CBR4: variants seen among roughly 807,000 people sequenced by gnomAD.
CBR4 encodes 3-oxoacyl-[acyl-carrier-protein] reductase.
Under a neutral mutation model 21.0 loss-of-function variants are expected in CBR4, and 22 were observed. The observed-to-expected ratio is 1.05, with a 90% CI of 0.75 to 1.50. The LOEUF is 1.50. CBR4 is among the 40% of genes most tolerant of loss of function. The pLI is 0.00. For synonymous variants in CBR4, 100 were observed against 104.4 expected, an observed-to-expected ratio of 0.96 and a Z score of 0.26; for missense variants, 302 against 286.3, an observed-to-expected ratio of 1.05 and a Z score of -0.40.
At chr4:168,942,465 AT>A (rs571185873) in intron 2 of CBR4, among the ~76,000 whole-genome samples, 147 of 152,196 alleles carry the variant, frequency 9.7e-4, no homozygotes, top group African/African-American at 3.3e-3. Context: ...TCAAATCCTA[AT>A]TGAAAAAGAA....
downstream of CBR4, among the ~76,000 whole-genome samples, chr4:168,987,043 T>G (rs4692556): frequency 0.75 from 114,549 of 152,108 alleles, 43,440 homozygotes; most frequent in East Asian, 0.96. Context: ...AGGGAGGGGG[T>G]CTCCTGATGT....
chr4:168,989,391 G>A lies in CBR4; in HGVS notation c.*759C>T. The A allele has an allele frequency of 4.1e-6, 4 of 985,358 alleles. No individual in the cohort carries two copies. Among genetic ancestry groups the A allele is most frequent in the Non-Finnish European group, 4.8e-6 (4 of 829,884 alleles). The allele number at this position is 985,358 out of a possible 1,614,324, so 61.0% of individuals were successfully genotyped here. A position where few individuals can be genotyped will look rare whatever the true frequency, so the allele number is the denominator to read the frequency against. On this transcript the variant is annotated 3_prime_UTR_variant, in exon 5 of 5. Coordinates refer to ENST00000306193, the MANE Select transcript of CBR4 (RefSeq NM_032783.5). ...AGAATTTCTCAAGAATGAGTCAAAT[G>A]CGCCACATTTAAATTTGCAGATTAT...
chr4:168,941,007 T>C (rs570793495), intron 2 of CBR4, among the ~76,000 whole-genome samples: 102 of 152,254 alleles, frequency 6.7e-4, no homozygotes, highest in African/African-American at 2.4e-3. Context: ...CTGTTCACAA[T>C]AGCAAAGACT....
At chr4:168,938,173 G>GT (rs1292719844) in intron 2 of CBR4, among the ~76,000 whole-genome samples, 4 of 151,970 alleles carry the variant, frequency 2.6e-5, no homozygotes, top group Non-Finnish European at 5.9e-5. Context: ...TCAAAACCAC[G>GT]TAATTACATA....
chr4:168,918,989 A>G (rs139815148), intron 2 of CBR4, among the ~76,000 whole-genome samples: 151 of 152,294 alleles, frequency 9.9e-4, no homozygotes, highest in African/African-American at 3.4e-3. Context: ...GTAATGGTAT[A>G]TAAAATCTGG....
chr4:169,009,246 T>G (rs1007756195), intron 1 of CBR4, among the ~76,000 whole-genome samples: 5 of 152,208 alleles, frequency 3.3e-5, no homozygotes, highest in Non-Finnish European at 7.3e-5. Flanking sequence ...AAGAGTTATA[T>G]TCACAAAATG....
intron 2 of CBR4, among the ~76,000 whole-genome samples, chr4:168,917,789 CTG>C (rs1157546349): frequency 2.0e-5 from 3 of 151,996 alleles, no homozygotes; most frequent in South Asian, 2.1e-4. Flanking sequence ...GTGTTTCAGT[CTG>C]TATATATTTT....
rs149611662 is a variant in CBR4, at chr4:168,966,915, G to A, written n.169+35156C>T. ...TACCTGTAGTCCCAGCTACTCAGGA[G>A]GCTGAGGCAGGAGAATGGCAACCCG... On this transcript the variant is annotated intron_variant and non_coding_transcript_variant, in intron 2 of 3. Coordinates refer to the CBR4 transcript ENST00000509108. Among the ~76,000 whole-genome samples, 443 of 152,080 alleles carry A rather than the reference G, an allele frequency of 2.9e-3. 2 individuals are homozygous for A. The highest frequency in any genetic ancestry group is 0.012 in the East Asian group (61 of 5,150).
At chr4:168,973,637 C>A (rs1263738012) in intron 2 of CBR4, among the ~76,000 whole-genome samples, 1 of 152,192 alleles carries the variant, frequency 6.6e-6, no homozygotes, top group Non-Finnish European at 1.5e-5. Context: ...CCCAATTCTT[C>A]TTTGAATGTT....
At chr4:168,913,970 A>G in intron 2 of CBR4, 1 of 1,613,608 alleles carries the variant, frequency 6.2e-7, no homozygotes, top group Non-Finnish European at 8.5e-7. Flanking sequence ...CAGGCTGTCA[A>G]CCAAAGAGGT....
intron 2 of CBR4, among the ~76,000 whole-genome samples, chr4:168,949,405 G>A (rs898226842): frequency 6.6e-6 from 1 of 152,124 alleles, no homozygotes; most frequent in African/African-American, 2.4e-5. Flanking sequence ...ATACTATGTT[G>A]AAGAGAAGTG....
At chr4:168,974,608 T>A (rs574687402) in intron 2 of CBR4, among the ~76,000 whole-genome samples, 22 of 152,244 alleles carry the variant, frequency 1.4e-4, no homozygotes, top group Middle Eastern at 3.4e-3. Flanking sequence ...TCATTTTTTT[T>A]ATTCTCTTTT....
At chr4:168,919,352 C>T (rs1400194900) in intron 2 of CBR4, among the ~76,000 whole-genome samples, 1 of 151,848 alleles carries the variant, frequency 6.6e-6, no homozygotes, top group Non-Finnish European at 1.5e-5. Flanking sequence ...GGTGAAACCC[C>T]GTCTCTACTA....
At chr4:169,009,117 C>G in intron 1 of CBR4, 2 of 436,742 alleles carry the variant, frequency 4.6e-6, no homozygotes, top group Middle Eastern at 5.2e-4. Context: ...AGACGCACCC[C>G]TAGGCCTCTA....
At chr4:168,898,731 A>T in intron 2 of CBR4, 1 of 1,532,196 alleles carries the variant, frequency 6.5e-7, no homozygotes, top group Non-Finnish European at 9.0e-7. Flanking sequence ...TGGGAGATGG[A>T]GGCTTTTTAA....
chr4:169,008,372 T>C (rs1731100387), intron 1 of CBR4, among the ~76,000 whole-genome samples: 1 of 152,084 alleles, frequency 6.6e-6, no homozygotes, highest in Non-Finnish European at 1.5e-5. Flanking sequence ...TTTTAAAAAA[T>C]GGTTAAATGC....
intron 2 of CBR4, among the ~76,000 whole-genome samples, chr4:168,905,489 C>G (rs1388352015): frequency 6.6e-6 from 1 of 151,824 alleles, no homozygotes; most frequent in African/African-American, 2.4e-5. Flanking sequence ...AAAGTTTATT[C>G]AAGGTTTATT....
At chr4:168,985,191 T>C (rs1764650254), downstream of CBR4, among the ~76,000 whole-genome samples, 1 of 151,882 alleles carries the variant, frequency 6.6e-6, no homozygotes. Flanking sequence ...GGAACTCAAA[T>C]GAACAAGCAA....
chr4:168,954,955 G>C (rs1298968078), intron 2 of CBR4, among the ~76,000 whole-genome samples: 1 of 152,130 alleles, frequency 6.6e-6, no homozygotes, highest in African/African-American at 2.4e-5. Flanking sequence ...AACTGAGAAT[G>C]GTTCGGAATT....
Sources: gnomAD v4.1 joint callset for allele counts (sites outside exome capture counted in the v4.1 genomes callset) on GRCh38, gnomAD v4.1.1 for gene constraint, MANE v1.5 for transcripts, NCBI Gene and HGNC (gene_info 2026-07-23, HGNC 2026-07-21) for gene names.